The following ESR1 variants were observed in gnomAD, a reference collection of about 807,000 sequenced individuals.
ESR1 encodes estrogen receptor 1, also known as estrogen receptor.
ESR1 carries 12 observed loss-of-function variants against 52.7 expected under a neutral mutation model. That is an observed-to-expected ratio of 0.23 (90% CI 0.15 to 0.37). The LOEUF (loss-of-function observed/expected upper bound fraction) is 0.37. ESR1 is among the 10% of genes least tolerant of loss of function. The pLI is 1.00. For missense variants in ESR1, 584 were observed against 779.7 expected (o/e 0.75, Z 2.99); for synonymous variants, 305 against 316.8 (o/e 0.96, Z 0.39).
At chr6:151,802,860 G>A (rs562415192), upstream of ESR1, among the ~76,000 whole-genome samples, 9 of 151,960 alleles carry the variant, frequency 5.9e-5, no homozygotes, top group East Asian at 3.9e-4. Context: ...GTGTGGTGGC[G>A]GACACCTGTA....
At chr6:151,965,036 C>T (rs1234714210) in intron 4 of ESR1, among the ~76,000 whole-genome samples, 1 of 152,158 alleles carries the variant, frequency 6.6e-6, no homozygotes, top group Admixed American at 6.6e-5. Flanking sequence ...CTATGATGTT[C>T]AACTCCTCTA....
chr6:152,050,994 A>G (rs1004977922), intron 5 of ESR1, among the ~76,000 whole-genome samples: 2 of 152,200 alleles, frequency 1.3e-5, no homozygotes, highest in Non-Finnish European at 2.9e-5. Flanking sequence ...CTGCATTAGT[A>G]GAGTAGATGT....
chr6:151,704,192 T>A (rs1009225782), intron 2 of ESR1, among the ~76,000 whole-genome samples: 20 of 152,090 alleles, frequency 1.3e-4, no homozygotes, highest in Non-Finnish European at 2.9e-5. Context: ...CTCTTTCATA[T>A]TTTTTTTAAG....
chr6:151,913,108 T>TAATAAAATAA (rs896610163), intron 3 of ESR1, among the ~76,000 whole-genome samples: 1 of 151,940 alleles, frequency 6.6e-6, no homozygotes, highest in Non-Finnish European at 1.5e-5. Context: ...AAATAAAAAA[T>TAATAAAATAA]AATAAAATAA....
chr6:152,038,111 C>T (rs949819029), intron 5 of ESR1, among the ~76,000 whole-genome samples: 2 of 152,084 alleles, frequency 1.3e-5, no homozygotes, highest in African/African-American at 4.8e-5. Context: ...CCCAAGAGCC[C>T]CTGGCAAACC....
intron 2 of ESR1, among the ~76,000 whole-genome samples, chr6:151,720,121 C>T (rs1781353707): frequency 6.6e-6 from 1 of 152,150 alleles, no homozygotes; most frequent in African/African-American, 2.4e-5. Flanking sequence ...CCTAAGGTTA[C>T]AAGATGATAA....
At chr6:151,917,932 T>C (rs2030675619) in intron 3 of ESR1, among the ~76,000 whole-genome samples, 2 of 152,206 alleles carry the variant, frequency 1.3e-5, no homozygotes, top group Admixed American at 1.3e-4. Flanking sequence ...AAGAATTAAT[T>C]TGAAAAATAA....
At chr6:151,772,684 A>C (rs1235425719) in intron 2 of ESR1, among the ~76,000 whole-genome samples, 2 of 152,224 alleles carry the variant, frequency 1.3e-5, no homozygotes, top group Non-Finnish European at 2.9e-5. Context: ...GATTGTGCTG[A>C]CTGGAAAATC....
rs113070738 is a variant in ESR1, at chr6:152,048,096, C to T, written c.1236-12895C>T. ...ATTAAATGTCACTCCCTCGGCCTGGCGCGGTGGCTCACGCCTGTAATCCCA... is the reference window on the plus strand; with the variant it reads ...ATTAAATGTCACTCCCTCGGCCTGGTGCGGTGGCTCACGCCTGTAATCCCA... On this transcript the variant is annotated intron_variant, in intron 5 of 7. Coordinates refer to ENST00000206249, the MANE Select transcript of ESR1 (RefSeq NM_000125.4). 8.1e-3 allele frequency among the ~76,000 whole-genome samples: 1,227 copies of T among 151,492 alleles called. 19 individuals are homozygous for T. The highest frequency in any genetic ancestry group is 0.029 in the African/African-American group (1,184 of 41,346).
At chr6:151,818,425 G>A (rs1416734962) in intron 1 of ESR1, among the ~76,000 whole-genome samples, 1 of 152,142 alleles carries the variant, frequency 6.6e-6, no homozygotes, top group Non-Finnish European at 1.5e-5. Context: ...TTGATGCTCA[G>A]CAATTGTGAT....
At chr6:152,067,398 G>T (rs2048044775) in intron 6 of ESR1, among the ~76,000 whole-genome samples, 1 of 152,198 alleles carries the variant, frequency 6.6e-6, no homozygotes, top group Non-Finnish European at 1.5e-5. Context: ...TTCACATTCA[G>T]CACCTCAGGA....
intron 1 of ESR1, chr6:151,814,156 C>T (rs1056796073): frequency 6.6e-6 from 1 of 152,260 alleles, no homozygotes; most frequent in African/African-American, 2.4e-5. Flanking sequence ...GTTTTCTTGG[C>T]TCCTTGACTT....
chr6:151,706,685 T>C (rs1780209378), intron 2 of ESR1, among the ~76,000 whole-genome samples: 1 of 152,182 alleles, frequency 6.6e-6, no homozygotes, highest in Non-Finnish European at 1.5e-5. Context: ...GCCTAGGGTT[T>C]CAGCTGATAT....
intron 3 of ESR1, among the ~76,000 whole-genome samples, chr6:151,929,122 C>T (rs1276703980): frequency 1.3e-5 from 2 of 152,102 alleles, no homozygotes; most frequent in Non-Finnish European, 2.9e-5. Flanking sequence ...AATTTTCTGC[C>T]TGCTTGCACT....
chr6:151,926,903 G>A (rs1316820754), intron 3 of ESR1, among the ~76,000 whole-genome samples: 1 of 152,096 alleles, frequency 6.6e-6, no homozygotes, highest in Non-Finnish European at 1.5e-5. Context: ...GGAGGAATGA[G>A]ATAAGATATC....
chr6:151,928,859 C>T (rs201468177), intron 3 of ESR1, among the ~76,000 whole-genome samples: 174 of 152,054 alleles, frequency 1.1e-3, no homozygotes, highest in East Asian at 4.1e-3. Context: ...CTAAATATTT[C>T]GATATTTTCC....
intron 6 of ESR1, among the ~76,000 whole-genome samples, chr6:152,123,343 G>T (rs2052116482): frequency 6.6e-6 from 1 of 152,210 alleles, no homozygotes; most frequent in East Asian, 1.9e-4. Context: ...TGATGTAGAT[G>T]CTAGGCTGAT....
At chr6:152,111,239 G>A (rs928185664) in intron 6 of ESR1, among the ~76,000 whole-genome samples, 11 of 152,178 alleles carry the variant, frequency 7.2e-5, no homozygotes, top group African/African-American at 1.7e-4. Flanking sequence ...CTAAATGAAC[G>A]TGAAAAAAGA....
At chr6:152,040,299 C>T (rs777110081) in intron 5 of ESR1, among the ~76,000 whole-genome samples, 1 of 152,112 alleles carries the variant, frequency 6.6e-6, no homozygotes, top group Admixed American at 6.5e-5. Context: ...GCCTATTGGG[C>T]GATGACAATG....
Sources: gnomAD v4.1 joint callset for allele counts (sites outside exome capture counted in the v4.1 genomes callset) on GRCh38, gnomAD v4.1.1 for gene constraint, MANE v1.5 for transcripts, NCBI Gene and HGNC (gene_info 2026-07-23, HGNC 2026-07-21) for gene names.